Variants in KANSL1L observed in about 807,000 individuals in gnomAD.
KANSL1L encodes KAT8 regulatory NSL complex subunit 1 like, also known as KAT8 regulatory NSL complex subunit 1-like protein.
Under a neutral mutation model 108.6 loss-of-function variants are expected in KANSL1L, and 25 were observed. The ratio of observed to expected loss-of-function variants is 0.23; its 90% CI spans 0.17 to 0.32. KANSL1L has a LOEUF of 0.32. Ranked by LOEUF, KANSL1L falls within the 10% of genes least tolerant of loss-of-function variation. KANSL1L has a pLI of 1.00. For synonymous variants in KANSL1L, 405 were observed against 395.1 expected, an observed-to-expected ratio of 1.03 and a Z score of -0.30; for missense variants, 1,137 against 1,125.7, an observed-to-expected ratio of 1.01 and a Z score of -0.14.
At chr2:210,160,109 GA>G (rs1327551006) in intron 1 of KANSL1L, among the ~76,000 whole-genome samples, 1 of 152,184 alleles carries the variant, frequency 6.6e-6, no homozygotes, top group Non-Finnish European at 1.5e-5. Flanking sequence ...TCAATAAATG[GA>G]GAAAAAGCAT....
intron 6 of KANSL1L, among the ~76,000 whole-genome samples, chr2:210,058,612 T>C (rs1048927706): frequency 1.1e-3 from 168 of 152,212 alleles, no homozygotes; most frequent in Non-Finnish European, 2.0e-3. Flanking sequence ...GGCAGGTGGA[T>C]CACGAGGTCA....
intron 3 of KANSL1L, among the ~76,000 whole-genome samples, chr2:210,114,253 G>A (rs1470331181): frequency 6.6e-6 from 1 of 151,950 alleles, no homozygotes; most frequent in African/African-American, 2.4e-5. Flanking sequence ...GAGGTCCAAA[G>A]GCAGTTAGGT....
chr2:210,100,734 C>T (rs1391160749), intron 4 of KANSL1L, among the ~76,000 whole-genome samples: 1 of 152,148 alleles, frequency 6.6e-6, no homozygotes, highest in East Asian at 1.9e-4. Context: ...GCCACCTGGG[C>T]TCAAGTGATC....
intron 6 of KANSL1L, among the ~76,000 whole-genome samples, chr2:210,046,915 C>T (rs1377710669): frequency 1.3e-5 from 2 of 152,182 alleles, no homozygotes; most frequent in Non-Finnish European, 2.9e-5. Flanking sequence ...CAGAGCCACA[C>T]TTTAGAGAAG....
At chr2:210,123,460 T>C (rs2095039399) in intron 3 of KANSL1L, among the ~76,000 whole-genome samples, 1 of 152,088 alleles carries the variant, frequency 6.6e-6, no homozygotes, top group Non-Finnish European at 1.5e-5. Context: ...TTCTCACTTG[T>C]TTGTAGGAGC....
rs748374079 is a variant in KANSL1L at position 210,098,074 on chromosome 2, A to G, written c.1550+12T>C. On this transcript the variant is annotated intron_variant, in intron 5 of 14. Coordinates refer to ENST00000281772, the MANE Select transcript of KANSL1L (RefSeq NM_152519.4). ...TTGAATTTAAAAGCTAAGCTATTCC[A>G]TTGATACCTACCTCCTGTAAATGCC... 1 of 1,593,820 alleles carries G rather than the reference A, an allele frequency of 6.3e-7. No individual in the cohort carries two copies. Among genetic ancestry groups the G allele is most frequent in the Non-Finnish European group, 8.5e-7 (1 of 1,171,040 alleles).
chr2:210,069,012 T>A (rs2094487680), intron 6 of KANSL1L, among the ~76,000 whole-genome samples: 1 of 152,218 alleles, frequency 6.6e-6, no homozygotes, highest in African/African-American at 2.4e-5. Flanking sequence ...CTCTGGTTGC[T>A]TTTAACCTAA....
At chr2:210,152,885 C>T (rs1270304807) in intron 2 of KANSL1L, 1 of 152,118 alleles carries the variant, frequency 6.6e-6, no homozygotes, top group Non-Finnish European at 1.5e-5. Context: ...TTGTCCACAG[C>T]CTATTCAAGA....
chr2:210,148,306 G>C (rs1380662297), intron 2 of KANSL1L, among the ~76,000 whole-genome samples: 5 of 152,188 alleles, frequency 3.3e-5, no homozygotes, highest in African/African-American at 1.2e-4. Context: ...CTGGAAAAAT[G>C]TAACTGATCA....
intron 9 of KANSL1L, 73 bp downstream of exon 9, chr2:210,031,348 G>T: frequency 9.8e-7 from 1 of 1,024,392 alleles, no homozygotes; most frequent in Non-Finnish European, 1.5e-6. Flanking sequence ...ACTCCCATGA[G>T]AGGTTATTTT....
intron 3 of KANSL1L, among the ~76,000 whole-genome samples, chr2:210,113,718 A>C (rs953538303): frequency 6.6e-6 from 1 of 152,214 alleles, no homozygotes; most frequent in South Asian, 2.1e-4. Flanking sequence ...AAATGCAAAC[A>C]TCAATATGGA....
At chr2:210,164,769 T>G (rs1012878826) in intron 1 of KANSL1L, among the ~76,000 whole-genome samples, 29 of 151,930 alleles carry the variant, frequency 1.9e-4, no homozygotes, top group African/African-American at 7.0e-4. Flanking sequence ...AGATACATAA[T>G]CTTGATTCTG....
intron 1 of KANSL1L, among the ~76,000 whole-genome samples, chr2:210,158,437 T>A (rs564347360): frequency 6.6e-6 from 1 of 152,280 alleles, no homozygotes; most frequent in South Asian, 2.1e-4. Flanking sequence ...ACACCTTGAT[T>A]AACAACAGCC....
At chr2:210,028,812 G>A (rs746892351) in intron 11 of KANSL1L, 33 bp downstream of exon 11, 1 of 1,451,296 alleles carries the variant, frequency 6.9e-7, no homozygotes, top group South Asian at 1.3e-5. Context: ...AGGGAAGGAA[G>A]GAAGAAAAAT....
intron 6 of KANSL1L, 139 bp downstream of exon 6, chr2:210,075,413 T>C: frequency 1.6e-6 from 1 of 628,424 alleles, no homozygotes; most frequent in Admixed American, 3.2e-5. Context: ...CTATATCATT[T>C]TTAAACTATA....
chr2:210,092,302 C>A, intron 5 of KANSL1L, among the ~76,000 whole-genome samples: 1 of 152,082 alleles, frequency 6.6e-6, no homozygotes, highest in East Asian at 1.9e-4. Flanking sequence ...CATATTAGAC[C>A]TTCACACTAT....
intron 2 of KANSL1L, chr2:210,152,378 T>A (rs1442709169): frequency 1.3e-5 from 2 of 152,242 alleles, no homozygotes; most frequent in African/African-American, 4.8e-5. Context: ...AAGTGTTAAA[T>A]ATCCACATAA....
At position 210,089,347 on chromosome 2, in the gene KANSL1L, A is replaced by T. The variant is rs182585990; in HGVS notation, c.1550+8739T>A. Among the ~76,000 whole-genome samples the T allele has an allele frequency of 4.8e-3, 726 of 152,310 alleles. 12 individuals carry two copies. The highest frequency in any genetic ancestry group is 0.016 in the African/African-American group (670 of 41,568). ...AGTTCTCTTGATTTAGGCTAACAAA[A>T]TTATTACATCCAAAAGAGCAAAACA... is the stretch of plus-strand genomic sequence containing the variant. On this transcript the variant is annotated intron_variant, in intron 5 of 14. Coordinates refer to ENST00000281772, the MANE Select transcript of KANSL1L (RefSeq NM_152519.4).
In KANSL1L at chr2:210,129,139, G is replaced by C. The variant is rs763386374; in HGVS notation, c.1122C>G (p.Asp374Glu). 1 of 1,613,772 alleles carries C rather than the reference G, an allele frequency of 6.2e-7. No individual in the cohort carries two copies. Among genetic ancestry groups the C allele is most frequent in the Non-Finnish European group, 8.5e-7 (1 of 1,179,794 alleles). ...NCSTEWKWLV[D>E]RARVGSRWTW... ...TCCATCGGCTGCCAACTCGTGCTCT[G>C]TCTACAAGCCACTTCCATTCAGTAC... Residue 374 changes from aspartate to glutamate, a missense_variant, in exon 3 of 15, where the codon GAC becomes GAG. Asp to Glu is a conservative substitution (Grantham distance 45). Coordinates refer to ENST00000281772, the MANE Select transcript of KANSL1L (RefSeq NM_152519.4).
Sources: allele counts gnomAD v4.1 joint callset (sites outside exome capture counted in the v4.1 genomes callset), GRCh38; gene constraint gnomAD v4.1.1; transcripts MANE v1.5; gene names NCBI Gene and HGNC (gene_info 2026-07-23, HGNC 2026-07-21).